PCDHA3: variants seen among roughly 807,000 people sequenced by gnomAD.
The protein encoded by PCDHA3 is protocadherin alpha-3.
In PCDHA3, 41 loss-of-function variants were observed where a neutral mutation model predicts 62.2. The observed-to-expected ratio is 0.66, with a 90% CI of 0.51 to 0.86. The LOEUF (loss-of-function observed/expected upper bound fraction) is 0.86, where lower values mean the gene tolerates loss of function less well. Ranked by LOEUF, PCDHA3 falls within the 40% of genes least tolerant of loss-of-function variation. PCDHA3 has a pLI of 0.00. For missense variants in PCDHA3, 1,304 were observed against 1,241.2 expected, an observed-to-expected ratio of 1.05 and a Z score of -0.76; for synonymous variants, 640 against 555.4, an observed-to-expected ratio of 1.15 and a Z score of -2.14.
chr5:140,869,587 A>G (rs1581901588), intron 1 of PCDHA3: 1 of 1,614,158 alleles, frequency 6.2e-7, no homozygotes, highest in African/African-American at 1.3e-5. Flanking sequence ...TGATGCTGAC[A>G]TTGAAGAGAA....
rs782046977 is a variant in PCDHA3 at position 140,968,811 on chromosome 5, A to T, written c.2395-10138A>T. The T allele has an allele frequency of 5.0e-6, 8 of 1,614,086 alleles. No homozygotes were observed. The African/African-American group carries it at 6.7e-5, about 13-fold the overall frequency. The stretch of plus-strand genomic sequence containing the variant: ...GTGGCCATTACAGTAGCTGTGGTGG[A>T]TAGGGTTTCCAAAATCCTCCCTGAC... On this transcript the variant is annotated intron_variant, in intron 1 of 3. Coordinates refer to ENST00000522353, the MANE Select transcript of PCDHA3 (RefSeq NM_018906.3).
intron 1 of PCDHA3, chr5:140,821,982 C>T (rs1317338643): frequency 3.7e-6 from 6 of 1,614,026 alleles, no homozygotes; most frequent in African/African-American, 2.7e-5. Context: ...CGTCCAAGGG[C>T]CGCGGGGACC....
intron 1 of PCDHA3, chr5:140,877,042 G>C: frequency 6.2e-7 from 1 of 1,612,636 alleles, no homozygotes; most frequent in Non-Finnish European, 8.5e-7. Context: ...GCAGCCGCTA[G>C]ACCACGAGGA....
chr5:140,928,043 C>G (rs1554205400), intron 1 of PCDHA3: 2 of 1,614,192 alleles, frequency 1.2e-6, no homozygotes, highest in Non-Finnish European at 1.7e-6. Context: ...AGTGCAGGCC[C>G]TTTTCAGCTG....
In PCDHA3 at chr5:140,801,203, G is replaced by A; in HGVS notation, c.6G>A (p.Leu2=). The change falls in exon 1 of 4, where the codon TTG becomes TTA. Residue 2 remains leucine, a synonymous_variant. Transcript: ENST00000522353. ...ATATTTGGAAAATACTTGCAATGTT[G>A]TTCTCCTGGCGAGAAGATCCTGGAG... The part of the protein sequence containing the change: M[L]FSWREDPGAQ... 1.3e-6 allele frequency: 2 copies of A among 1,599,228 alleles called. No individual in the cohort carries two copies. The highest frequency in any genetic ancestry group is 1.7e-6 in the Non-Finnish European group (2 of 1,172,532).
At chr5:140,926,973 G>A in intron 1 of PCDHA3, 3 of 1,609,762 alleles carry the variant, frequency 1.9e-6, no homozygotes, top group African/African-American at 1.3e-5. Context: ...ACTCAGTGCC[G>A]GAGGAGACGG....
chr5:140,978,849 T>C, intron 1 of PCDHA3, 100 bp from the exon 2 acceptor site: 7 of 1,577,036 alleles, frequency 4.4e-6, no homozygotes, highest in Non-Finnish European at 5.2e-6. Flanking sequence ...CTTTTTTAGA[T>C]GCCTGGAAAT....
intron 1 of PCDHA3, chr5:140,809,439 C>A (rs1187355294): frequency 6.2e-7 from 1 of 1,614,084 alleles, no homozygotes; most frequent in Non-Finnish European, 8.5e-7. Flanking sequence ...TGGTCATACT[C>A]GCAGCAGAGG....
intron 1 of PCDHA3, among the ~76,000 whole-genome samples, chr5:140,890,509 A>G (rs1448258191): frequency 6.6e-6 from 1 of 151,802 alleles, no homozygotes; most frequent in African/African-American, 2.4e-5. Flanking sequence ...TTATGTCTCT[A>G]TTTCCTTCCT....
At chr5:140,863,765 G>A (rs1385785601) in intron 1 of PCDHA3, 4 of 242,444 alleles carry the variant, frequency 1.6e-5, no homozygotes, top group African/African-American at 4.5e-5. Flanking sequence ...TTGGGAAGCC[G>A]AGGCGGGCGG....
chr5:140,928,896 A>G, intron 1 of PCDHA3: 3 of 1,614,108 alleles, frequency 1.9e-6, no homozygotes, highest in Non-Finnish European at 2.5e-6. Context: ...CAGACTTTGA[A>G]GATGTCTGGG....
chr5:140,942,713 T>C (rs2093359728), intron 1 of PCDHA3, among the ~76,000 whole-genome samples: 2 of 152,208 alleles, frequency 1.3e-5, no homozygotes, highest in Non-Finnish European at 1.5e-5. Flanking sequence ...AGTAAAAGTA[T>C]GAAATTTTGT....
At chr5:140,915,531 T>C (rs1258680816) in intron 1 of PCDHA3, among the ~76,000 whole-genome samples, 1 of 152,150 alleles carries the variant, frequency 6.6e-6, no homozygotes, top group Non-Finnish European at 1.5e-5. Context: ...AGGTACCATC[T>C]TGGAGGTCTT....
At chr5:140,976,203 A>T (rs1301475935) in intron 1 of PCDHA3, among the ~76,000 whole-genome samples, 1 of 152,220 alleles carries the variant, frequency 6.6e-6, no homozygotes, top group East Asian at 1.9e-4. Flanking sequence ...GAAACTCAGA[A>T]GTAAAAAAGA....
intron 3 of PCDHA3, among the ~76,000 whole-genome samples, chr5:140,995,211 A>G (rs529613370): frequency 2.6e-5 from 4 of 152,188 alleles, no homozygotes; most frequent in Non-Finnish European, 4.4e-5. Context: ...ATTAGGCACA[A>G]TACTCTTGTG....
intron 1 of PCDHA3, chr5:140,858,025 G>C (rs992119806): frequency 1.9e-6 from 3 of 1,596,952 alleles, no homozygotes; most frequent in Non-Finnish European, 2.6e-6. Context: ...CGTCGCTGAC[G>C]GCCACGGCCA....
At chr5:140,983,257 A>C (rs2097036264) in intron 3 of PCDHA3, among the ~76,000 whole-genome samples, 1 of 152,214 alleles carries the variant, frequency 6.6e-6, no homozygotes, top group Non-Finnish European at 1.5e-5. Context: ...GTTGTGTAAA[A>C]AACCTAATGG....
At chr5:140,808,735 G>T (rs1389730174) in intron 1 of PCDHA3, 1 of 1,612,086 alleles carries the variant, frequency 6.2e-7, no homozygotes, top group Non-Finnish European at 8.5e-7. Context: ...AGAGCGGCAA[G>T]GTGTACGCGC....
At chr5:140,981,342 G>A (rs2096927846) in intron 2 of PCDHA3, among the ~76,000 whole-genome samples, 1 of 152,176 alleles carries the variant, frequency 6.6e-6, no homozygotes, top group African/African-American at 2.4e-5. Flanking sequence ...GGGAGGGTGA[G>A]GCAGGTGGAT....
Sources: allele counts gnomAD v4.1 joint callset (sites outside exome capture counted in the v4.1 genomes callset), GRCh38; gene constraint gnomAD v4.1.1; transcripts MANE v1.5; gene names NCBI Gene and HGNC (gene_info 2026-07-23, HGNC 2026-07-21).